ITFG1: variants seen among roughly 807,000 people sequenced by gnomAD.
ITFG1 encodes the protein T-cell immunomodulatory protein.
Under a neutral mutation model 81.8 loss-of-function variants are expected in ITFG1, and 34 were observed. The observed-to-expected ratio is 0.42, with a 90% CI of 0.32 to 0.55. The LOEUF is 0.55. ITFG1 is among the 20% of genes least tolerant of loss of function. ITFG1 has a pLI of 0.17. For missense variants in ITFG1, 672 were observed against 755.4 expected, an observed-to-expected ratio of 0.89 and a Z score of 1.29; for synonymous variants, 285 against 270.6, an observed-to-expected ratio of 1.05 and a Z score of -0.52.
rs114926642 is a variant in ITFG1 at position 47,210,980 on chromosome 16, C to T, written c.1453+7888G>A. ...TTTGCCATTAAAAAATGACAAAAAG[C>T]ACAATTACTTTTGCAGTAACTTAAT... On this transcript the variant is annotated intron_variant, in intron 14 of 17. Coordinates refer to ENST00000320640, the MANE Select transcript of ITFG1 (RefSeq NM_030790.5). 2.3e-3 allele frequency among the ~76,000 whole-genome samples: 350 copies of T among 152,204 alleles called. 2 individuals are homozygous for T. The highest frequency in any genetic ancestry group is 7.6e-3 in the African/African-American group (314 of 41,538).
At position 47,344,902 on chromosome 16, in the gene ITFG1, A is replaced by T. The variant is rs577927107; in HGVS notation, c.802+20886T>A. Among the ~76,000 whole-genome samples the T allele has an allele frequency of 7.2e-5, 11 of 152,306 alleles. No homozygotes were observed. The South Asian group carries it at 1.0e-3, about 14-fold the overall frequency. On this transcript the variant is annotated intron_variant, in intron 8 of 17. Transcript: ENST00000320640. ...ATGCTGTTGCAAATGACAGGATCTCATTCTTTTTTATGACTGAATAGTACT... is the reference window on the plus strand; with the variant it reads ...ATGCTGTTGCAAATGACAGGATCTCTTTCTTTTTTATGACTGAATAGTACT...
At chr16:47,419,154 T>C (rs371470737) in intron 6 of ITFG1, among the ~76,000 whole-genome samples, 2 of 152,354 alleles carry the variant, frequency 1.3e-5, no homozygotes, top group East Asian at 3.9e-4. Flanking sequence ...CTAAGTTTTT[T>C]TGATTGGTTT....
chr16:47,257,167 A>G (rs565904999), intron 12 of ITFG1, among the ~76,000 whole-genome samples: 1 of 152,230 alleles, frequency 6.6e-6, no homozygotes, highest in Non-Finnish European at 1.5e-5. Flanking sequence ...AAGAAAAATA[A>G]AAGACATAGG....
chr16:47,169,175 C>G (rs1468149020), intron 14 of ITFG1, among the ~76,000 whole-genome samples: 1 of 152,044 alleles, frequency 6.6e-6, no homozygotes, highest in Non-Finnish European at 1.5e-5. Flanking sequence ...CTCAGCTTTG[C>G]TTTTGTTTTT....
intron 8 of ITFG1, among the ~76,000 whole-genome samples, chr16:47,339,973 A>C (rs1315340551): frequency 2.6e-5 from 4 of 152,146 alleles, no homozygotes; most frequent in Non-Finnish European, 5.9e-5. Flanking sequence ...AAACAAACAA[A>C]AAACCAATTC....
chr16:47,187,777 C>T (rs368937359), intron 14 of ITFG1, among the ~76,000 whole-genome samples: 2 of 151,834 alleles, frequency 1.3e-5, no homozygotes, highest in East Asian at 1.9e-4. Context: ...CTAATTAAAC[C>T]AAAGAGCTTC....
intron 8 of ITFG1, among the ~76,000 whole-genome samples, chr16:47,346,153 G>A (rs549470605): frequency 6.6e-6 from 1 of 152,294 alleles, no homozygotes; most frequent in Non-Finnish European, 1.5e-5. Flanking sequence ...TACAGAATGA[G>A]TTTGGAAGAA....
Position 47,155,470 on chromosome 16 carries a change from C to A in ITFG1, c.*249G>T. ...TACACAAACACTGGAGTACATGCAA[C>A]ACATTCCACAAAGGAACAAAAATGT... On this transcript the variant is annotated 3_prime_UTR_variant, in exon 18 of 18. Coordinates refer to ENST00000320640, the MANE Select transcript of ITFG1 (RefSeq NM_030790.5). 1 of 282,840 alleles carries A rather than the reference C, an allele frequency of 3.5e-6. No homozygotes were observed. The highest frequency in any genetic ancestry group is 6.5e-6 in the Non-Finnish European group (1 of 153,948). The allele number at this position is 282,840 out of a possible 1,614,324, so 17.5% of individuals were successfully genotyped here.
intron 6 of ITFG1, among the ~76,000 whole-genome samples, chr16:47,383,733 C>T (rs1051217011): frequency 1.1e-4 from 17 of 152,260 alleles, no homozygotes; most frequent in African/African-American, 3.1e-4. Flanking sequence ...GGTGAAATCC[C>T]GTCTCTACTA....
chr16:47,349,333 C>A (rs1451399226), intron 8 of ITFG1, among the ~76,000 whole-genome samples: 1 of 151,788 alleles, frequency 6.6e-6, no homozygotes, highest in African/African-American at 2.4e-5. Context: ...TGCAGAGACA[C>A]ACATAGGCTC....
At chr16:47,382,639 G>T (rs1968409672) in intron 6 of ITFG1, among the ~76,000 whole-genome samples, 1 of 132,174 alleles carries the variant, frequency 7.6e-6, no homozygotes, top group Non-Finnish European at 1.6e-5. Context: ...GTGAAATCAT[G>T]ATCAGAAGTC....
rs1567265045 is a variant in ITFG1 at position 47,460,821 on chromosome 16, GC to G, written c.208+16del. 6.2e-7 allele frequency: 1 copy of G among 1,611,546 alleles called. No homozygotes were observed. Among genetic ancestry groups the G allele is most frequent in the Non-Finnish European group, 8.5e-7 (1 of 1,178,984 alleles). The stretch of plus-strand genomic sequence containing the variant: ...CACACGGACAGCGAACAGAGGGAGG[GC>G]CCGGCAAGCACTGACTTTCCCGCAG... On this transcript the variant is annotated intron_variant, in intron 1 of 17. Coordinates refer to ENST00000320640, the MANE Select transcript of ITFG1 (RefSeq NM_030790.5).
At chr16:47,383,958 A>C (rs1968428175) in intron 6 of ITFG1, among the ~76,000 whole-genome samples, 1 of 152,242 alleles carries the variant, frequency 6.6e-6, no homozygotes, top group Non-Finnish European at 1.5e-5. Context: ...AGGACTTCCC[A>C]AAATTACATT....
At chr16:47,247,304 C>T (rs1036863294) in intron 12 of ITFG1, among the ~76,000 whole-genome samples, 6 of 152,120 alleles carry the variant, frequency 3.9e-5, no homozygotes, top group African/African-American at 9.7e-5. Context: ...CAGTTTATTA[C>T]AATTAGATGT....
intron 13 of ITFG1, among the ~76,000 whole-genome samples, chr16:47,229,906 C>G (rs1184869966): frequency 6.6e-6 from 1 of 152,080 alleles, no homozygotes; most frequent in Non-Finnish European, 1.5e-5. Flanking sequence ...TTGTACAATA[C>G]CATAATGTAT....
intron 9 of ITFG1, chr16:47,311,995 G>T (rs1238926253): frequency 6.6e-6 from 1 of 152,156 alleles, no homozygotes; most frequent in Non-Finnish European, 1.5e-5. Context: ...GCACTTCTCA[G>T]CCAAGAAGAC....
chr16:47,449,992 A>T (rs1969368690), intron 5 of ITFG1: 1 of 152,252 alleles, frequency 6.6e-6, no homozygotes, highest in Non-Finnish European at 1.5e-5. Context: ...AAGTGAAGTT[A>T]CCACAAAATA....
chr16:47,337,138 A>G (rs1967715976), intron 8 of ITFG1, among the ~76,000 whole-genome samples: 2 of 59,782 alleles, frequency 3.3e-5, no homozygotes, highest in Non-Finnish European at 8.9e-5. Flanking sequence ...ACTCTGTCTC[A>G]AAAAAAAAAA....
intron 6 of ITFG1, among the ~76,000 whole-genome samples, chr16:47,425,038 C>A (rs1226211206): frequency 2.6e-5 from 4 of 152,164 alleles, no homozygotes; most frequent in African/African-American, 4.8e-5. Flanking sequence ...ATGCCCTGCC[C>A]CCAGTGGTGG....
Sources: gnomAD v4.1 joint callset for allele counts (sites outside exome capture counted in the v4.1 genomes callset) on GRCh38, gnomAD v4.1.1 for gene constraint, MANE v1.5 for transcripts, NCBI Gene and HGNC (gene_info 2026-07-23, HGNC 2026-07-21) for gene names.